RGS3: variants seen among roughly 807,000 people sequenced by gnomAD.
RGS3 encodes regulator of G-protein signalling 3.
In RGS3, 80 loss-of-function variants were observed where a neutral mutation model predicts 132.6. That is an observed-to-expected ratio of 0.60 (90% CI 0.50 to 0.73). RGS3 has a LOEUF of 0.73. Ranked by LOEUF, RGS3 falls within the 30% of genes least tolerant of loss-of-function variation. RGS3 has a pLI of 0.00. For missense variants in RGS3, 1,382 were observed against 1,530.8 expected, an observed-to-expected ratio of 0.90 and a Z score of 1.62; for synonymous variants, 598 against 620.6, an observed-to-expected ratio of 0.96 and a Z score of 0.54.
intron 10 of RGS3, 62 bp downstream of exon 8, chr9:113,498,142 G>T: frequency 6.6e-7 from 1 of 1,517,088 alleles, no homozygotes; most frequent in Admixed American, 1.7e-5. Flanking sequence ...ACAGCCCCTG[G>T]GCCCGGGAAA....
intron 20 of RGS3, chr9:113,589,304 C>T (rs1835288948): frequency 6.6e-6 from 1 of 152,276 alleles, no homozygotes; most frequent in African/African-American, 2.4e-5. Flanking sequence ...ATGGTGAGTC[C>T]CTAGGGCTGG....
chr9:113,489,679 A>G (rs1453775107), intron 7 of RGS3, among the ~76,000 whole-genome samples: 1 of 149,026 alleles, frequency 6.7e-6, no homozygotes, highest in Non-Finnish European at 1.5e-5. Context: ...ACATGCCACC[A>G]CACCCAGCTA....
chr9:113,507,371 G>A lies in RGS3; in HGVS notation c.1170G>A (p.Arg390=), dbSNP rs775800247. The A allele has an allele frequency of 6.2e-6, 10 of 1,613,820 alleles. No individual in the cohort carries two copies. The highest frequency in any genetic ancestry group is 7.6e-6 in the Non-Finnish European group (9 of 1,180,022). ...GACCAGATGGCGGGGTCCTGCGGCG[G>A]GCCTCCTGCAAGTCGACACATGACC... The change falls in exon 13 of 25, where the codon CGG becomes CGA. Residue 390 remains arginine (R), a synonymous_variant. Transcript: ENST00000350696. This position sits in a 1 kb window ranked among gnomAD's most constrained non-coding sequence, Gnocchi z 5.0.
chr9:113,587,410 A>T (rs1164328661), intron 20 of RGS3, among the ~76,000 whole-genome samples: 1 of 152,018 alleles, frequency 6.6e-6, no homozygotes, highest in Non-Finnish European at 1.5e-5. Context: ...AGTCAGACAG[A>T]CCCAGGTTCA....
At chr9:113,479,714 A>G (rs1830102693) in intron 4 of RGS3, among the ~76,000 whole-genome samples, 173 bp downstream of exon 2, 1 of 152,098 alleles carries the variant, frequency 6.6e-6, no homozygotes, top group East Asian at 1.9e-4. Context: ...CTTTCTATAG[A>G]GCAGCCCTGG....
chr9:113,508,798 G>A (rs1256039599), intron 14 of RGS3, among the ~76,000 whole-genome samples: 1 of 152,160 alleles, frequency 6.6e-6, no homozygotes, highest in African/African-American at 2.4e-5. Context: ...GAGGAGAGGG[G>A]ATCTTACCAG....
intron 7 of RGS3, among the ~76,000 whole-genome samples, chr9:113,486,494 T>TA (rs1019629206): frequency 6.6e-6 from 1 of 152,170 alleles, no homozygotes; most frequent in Non-Finnish European, 1.5e-5. Flanking sequence ...TGACGGCAGT[T>TA]AGAGCGGAGC....
chr9:113,587,395 T>G (rs1300570365), intron 20 of RGS3, among the ~76,000 whole-genome samples: 1 of 152,196 alleles, frequency 6.6e-6, no homozygotes, highest in Non-Finnish European at 1.5e-5. Flanking sequence ...GTGTTCAGGC[T>G]GTGGAGTCAG....
chr9:113,445,321 C>T (rs918450840), intron 1 of RGS3, among the ~76,000 whole-genome samples: 2 of 152,038 alleles, frequency 1.3e-5, no homozygotes, highest in African/African-American at 4.8e-5. Context: ...CCTCAGCCTC[C>T]CATGTAGCTG....
At chr9:113,498,154 C>T (rs1055329290) in intron 10 of RGS3, 74 bp downstream of exon 8, 20 of 1,364,440 alleles carry the variant, frequency 1.5e-5, no homozygotes, top group Middle Eastern at 1.8e-4. Flanking sequence ...CCCGGGAAAC[C>T]CCTAAAGGGG....
intron 19 of RGS3, among the ~76,000 whole-genome samples, chr9:113,553,802 C>T (rs1446736112): frequency 6.6e-6 from 1 of 151,870 alleles, no homozygotes; most frequent in Non-Finnish European, 1.5e-5. Context: ...GAGATTGTGC[C>T]GTTGCACTCC....
At chr9:113,445,968 C>A (rs566008569) in intron 1 of RGS3, among the ~76,000 whole-genome samples, 2 of 152,178 alleles carry the variant, frequency 1.3e-5, no homozygotes, top group Admixed American at 6.5e-5. Context: ...CGTGACCCAC[C>A]GTGCCCAGAA....
intron 20 of RGS3, 117 bp downstream of exon 18, chr9:113,584,544 A>G (rs1835025427): frequency 8.3e-7 from 1 of 1,206,484 alleles, no homozygotes; most frequent in Non-Finnish European, 1.1e-6. Flanking sequence ...GCAGCCTCCC[A>G]GCGAACTTTC....
At chr9:113,583,233 G>A in intron 19 of RGS3, 1 of 790,926 alleles carries the variant, frequency 1.3e-6, no homozygotes, top group Non-Finnish European at 1.9e-6. Context: ...GACCAGCTGT[G>A]TTTTTGATGG....
chr9:113,541,807 C>T, intron 19 of RGS3: 1 of 995,144 alleles, frequency 1.0e-6, no homozygotes, highest in Non-Finnish European at 1.2e-6. Context: ...CCATGATCTG[C>T]TGCTGCCAGA....
At chr9:113,485,745 A>G in intron 7 of RGS3, 52 bp downstream of exon 5, 1 of 1,384,126 alleles carries the variant, frequency 7.2e-7, no homozygotes, top group East Asian at 2.4e-5. Context: ...CTAGTGGGTG[A>G]CAGCCAGGTG....
chr9:113,479,300 A>G, intron 3 of RGS3, 191 bp from the exon 2 acceptor site: 2 of 656,996 alleles, frequency 3.0e-6, no homozygotes. Context: ...GAGGCATTCG[A>G]AAGGGACTCC....
chr9:113,497,693 C>A lies in RGS3; in HGVS notation c.841+289C>A, dbSNP rs188459067. 6.0e-4 allele frequency among the ~76,000 whole-genome samples: 91 copies of A among 152,302 alleles called. 1 individual carries two copies. In the South Asian group the frequency reaches 0.011, roughly 19 times the overall value. On this transcript the variant is annotated intron_variant, in intron 9 of 24. Coordinates refer to ENST00000350696, the Ensembl canonical transcript of RGS3. ...GTACTTTATGCTTCCCCAGTGGCCC[C>A]TTCCCAGCTCCATGTCTCAGGGATC...
chr9:113,527,822 A>C (rs1832282498), intron 17 of RGS3, among the ~76,000 whole-genome samples: 1 of 152,110 alleles, frequency 6.6e-6, no homozygotes, highest in African/African-American at 2.4e-5. Flanking sequence ...TGTCTTTGAC[A>C]ATTTCTTTAC....
Sources: allele counts gnomAD v4.1 joint callset (sites outside exome capture counted in the v4.1 genomes callset), GRCh38; gene constraint gnomAD v4.1.1; non-coding constraint Gnocchi (gnomAD v3.1); transcripts MANE v1.5; gene names NCBI Gene and HGNC (gene_info 2026-07-23, HGNC 2026-07-21).